The following MOK variants were observed in gnomAD, a reference collection of about 807,000 sequenced individuals.
MOK encodes MOK protein kinase, also known as MAPK/MAK/MRK overlapping kinase.
Under a neutral mutation model 54.2 loss-of-function variants are expected in MOK, and 59 were observed. The ratio of observed to expected loss-of-function variants is 1.09; its 90% confidence interval spans 0.88 to 1.35. The LOEUF (loss-of-function observed/expected upper bound fraction) is 1.35, where lower values mean the gene tolerates loss of function less well. MOK is among the 40% of genes most tolerant of loss of function. MOK has a pLI of 0.00. For missense variants in MOK, 517 were observed against 526.2 expected (o/e 0.98, Z 0.17); for synonymous variants, 210 against 202.7 (o/e 1.04, Z -0.31).
chr14:102,229,765 T>C (rs1338590552), intron 10 of MOK, 108 bp from the exon 11 acceptor site: 1 of 1,036,132 alleles, frequency 9.7e-7, no homozygotes, highest in African/African-American at 1.6e-5. Context: ...TACAATTTCT[T>C]GACCATAAGA....
chr14:102,263,437 AT>A lies in MOK; in HGVS notation c.283+108del, dbSNP rs1402966919. 6 of 752,776 alleles carry A rather than the reference AT, an allele frequency of 8.0e-6. No homozygotes were observed. The East Asian group carries it at 1.1e-4, about 14-fold the overall frequency. 46.6% of individuals were successfully genotyped at this position (752,776 alleles called of 1,614,324 possible). On this transcript the variant is annotated intron_variant, in intron 4 of 11. Coordinates refer to ENST00000361847, the MANE Select transcript of MOK (RefSeq NM_014226.3). ...GAAGTGACCCTGTACTGTGTATTAT[AT>A]ATAACTACAGCACTATGGTGACTAA... is the stretch of plus-strand genomic sequence containing the variant.
intron 2 of MOK, among the ~76,000 whole-genome samples, chr14:102,281,944 T>C (rs370854936): frequency 6.6e-6 from 1 of 152,332 alleles, no homozygotes; most frequent in African/African-American, 2.4e-5. Context: ...AACTACCGTA[T>C]GCATTGGGCA....
At chr14:102,220,267 C>T (rs139334062), downstream of MOK, among the ~76,000 whole-genome samples, 869 of 152,230 alleles carry the variant, frequency 5.7e-3, 36 homozygotes, top group East Asian at 2.7e-3. The surrounding 1 kb of genome is among the most constrained non-coding windows in gnomAD (Gnocchi z 4.2). Flanking sequence ...CCCTCATGGC[C>T]GTCAGAAGCC....
At chr14:102,234,763 T>C (rs75258667) in intron 7 of MOK, among the ~76,000 whole-genome samples, 1 of 152,290 alleles carries the variant, frequency 6.6e-6, no homozygotes, top group East Asian at 1.9e-4. Context: ...AATCAGACCA[T>C]GGCTCCCAAT....
chr14:102,264,239 GA>G (rs1392036891), intron 3 of MOK: 1 of 148,632 alleles, frequency 6.7e-6, no homozygotes, highest in Non-Finnish European at 1.5e-5. Context: ...AAGAAAGAAA[GA>G]AAGAAAATTA....
At chr14:102,218,396 C>T in the MOK span, among the ~76,000 whole-genome samples, 23 of 152,316 alleles carry the variant, frequency 1.5e-4, no homozygotes, top group Admixed American at 5.9e-4. Flanking sequence ...GCTAGGAGAC[C>T]GTCCAGGCCT....
intron 2 of MOK, among the ~76,000 whole-genome samples, chr14:102,269,603 G>T (rs2068194562): frequency 1.3e-5 from 2 of 151,226 alleles, no homozygotes; most frequent in African/African-American, 4.9e-5. Flanking sequence ...CTCCCAAGTA[G>T]CTGGGATTAT....
chr14:102,239,216 G>GA (rs1403191994), intron 7 of MOK, among the ~76,000 whole-genome samples: 2 of 152,052 alleles, frequency 1.3e-5, no homozygotes, highest in East Asian at 3.8e-4. Flanking sequence ...AGGAAAAGTC[G>GA]AAAGGGCAAA....
chr14:102,263,271 G>A (rs1423928586), intron 4 of MOK, among the ~76,000 whole-genome samples: 6 of 152,066 alleles, frequency 3.9e-5, no homozygotes, highest in African/African-American at 1.2e-4. Context: ...GGCTGCAGGC[G>A]CTCTGCAGCA....
the MOK span, among the ~76,000 whole-genome samples, chr14:102,215,330 G>C: frequency 6.6e-6 from 1 of 152,186 alleles, no homozygotes; most frequent in Non-Finnish European, 1.5e-5. Context: ...TTCTGAAGTC[G>C]TCCTGGGCCA....
intron 2 of MOK, among the ~76,000 whole-genome samples, chr14:102,281,081 T>C (rs1464283379): frequency 6.6e-6 from 1 of 152,118 alleles, no homozygotes; most frequent in Non-Finnish European, 1.5e-5. Context: ...CCCTGCACTT[T>C]GGGAGGCCAA....
chr14:102,291,748 G>C (rs1350600560), intron 1 of MOK, among the ~76,000 whole-genome samples: 1 of 151,882 alleles, frequency 6.6e-6, no homozygotes, highest in Non-Finnish European at 1.5e-5. Flanking sequence ...CCTCAGATCG[G>C]GAGTTTGAGA....
chr14:102,243,842 C>T (rs951815956), intron 7 of MOK, among the ~76,000 whole-genome samples: 7 of 152,210 alleles, frequency 4.6e-5, no homozygotes, highest in East Asian at 1.9e-4. Context: ...GCCTAATCAC[C>T]GCTTACCAGC....
At chr14:102,277,078 A>G (rs1567213937) in intron 2 of MOK, among the ~76,000 whole-genome samples, 1 of 147,344 alleles carries the variant, frequency 6.8e-6, no homozygotes. Flanking sequence ...CATACGACAT[A>G]CAGACCAGGC....
the MOK span, among the ~76,000 whole-genome samples, chr14:102,217,247 C>T: frequency 3.9e-5 from 6 of 152,280 alleles, no homozygotes; most frequent in South Asian, 2.1e-4. Context: ...AGTGACAGCC[C>T]GGGCCGGTGC....
downstream of MOK, chr14:102,226,549 TG>T: frequency 4.5e-6 from 3 of 672,242 alleles, no homozygotes; most frequent in Admixed American, 6.3e-5. This position sits in a 1 kb window ranked among gnomAD's most constrained non-coding sequence, Gnocchi z 4.8. Context: ...TGGCCTCCTA[TG>T]GGCTGAGCCA....
intron 2 of MOK, among the ~76,000 whole-genome samples, chr14:102,273,997 G>C (rs1240009083): frequency 4.7e-5 from 7 of 150,462 alleles, no homozygotes; most frequent in Admixed American, 4.6e-4. Flanking sequence ...TCACTCTGTC[G>C]CCCAGGCTGG....
intron 1 of MOK, among the ~76,000 whole-genome samples, chr14:102,287,820 ATTTTTTTT>A (rs71116893): frequency 1.7e-5 from 2 of 117,928 alleles, no homozygotes; most frequent in Non-Finnish European, 3.4e-5. Flanking sequence ...GTTCTTTGAG[ATTTTTTTT>A]TTTTTTTTTT....
intron 2 of MOK, among the ~76,000 whole-genome samples, chr14:102,282,349 TATATTAATATA>T (rs2069531590): frequency 6.6e-6 from 1 of 152,026 alleles, no homozygotes; most frequent in Non-Finnish European, 1.5e-5. Flanking sequence ...TCACTTATGT[TATATTAATATA>T]ATATTAATAT....
Sources: allele counts gnomAD v4.1 joint callset (sites outside exome capture counted in the v4.1 genomes callset), GRCh38; gene constraint gnomAD v4.1.1; non-coding constraint Gnocchi (gnomAD v3.1); transcripts MANE v1.5; gene names NCBI Gene and HGNC (gene_info 2026-07-23, HGNC 2026-07-21).